Variants in G3BP2 observed in about 807,000 individuals in gnomAD.
G3BP2 encodes ras GTPase-activating protein-binding protein 2.
G3BP2 carries 11 observed loss-of-function variants against 56.7 expected under a neutral mutation model. The ratio of observed to expected loss-of-function variants is 0.19; its 90% CI spans 0.12 to 0.32. The LOEUF (loss-of-function observed/expected upper bound fraction) is 0.32, where lower values mean the gene tolerates loss of function less well. G3BP2 is among the 10% of genes least tolerant of loss of function. G3BP2 has a pLI of 1.00. For missense variants in G3BP2, 340 were observed against 610.9 expected, an observed-to-expected ratio of 0.56 and a Z score of 4.67; for synonymous variants, 165 against 191.6, an observed-to-expected ratio of 0.86 and a Z score of 1.15.
intron 3 of G3BP2, among the ~76,000 whole-genome samples, chr4:75,709,446 A>G (rs1302758146): frequency 1.5e-5 from 2 of 129,852 alleles, no homozygotes; most frequent in South Asian, 2.6e-4. Context: ...AAAAAAACCT[A>G]CTACGAAAAA....
chr4:75,657,475 TA>T, intron 4 of G3BP2, 81 bp downstream of exon 4: 1 of 1,012,430 alleles, frequency 9.9e-7, no homozygotes, highest in Non-Finnish European at 1.5e-6. Context: ...TATGCAAATC[TA>T]AACCTATTAG....
intron 1 of G3BP2, among the ~76,000 whole-genome samples, chr4:75,668,071 G>T (rs1733195351): frequency 6.6e-6 from 1 of 152,094 alleles, no homozygotes; most frequent in South Asian, 2.1e-4. Flanking sequence ...AGCTCTCACG[G>T]AAAATTGCTC....
rs1466145564 is a variant in G3BP2 at position 75,643,666 on chromosome 4, T to C, written c.*1764A>G. ...AAAATACATGCATCATTTGCTAGTT[T>C]ACTAAATAGCAAACAGTTGCATAAT... On this transcript the variant is annotated 3_prime_UTR_variant, in exon 12 of 12. Coordinates refer to ENST00000359707, the MANE Select transcript of G3BP2 (RefSeq NM_203505.3). 1 of 152,618 alleles carries C rather than the reference T, an allele frequency of 6.6e-6. No individual in the cohort carries two copies. Among genetic ancestry groups the C allele is most frequent in the South Asian group, 2.1e-4 (1 of 4,838 alleles). 9.5% of individuals were successfully genotyped at this position (152,618 alleles called of 1,614,324 possible). A position where few individuals can be genotyped will look rare whatever the true frequency, so the allele number is the denominator to read the frequency against.
chr4:75,655,747 C>T (rs1181581091), intron 6 of G3BP2, 21 bp downstream of exon 6: 11 of 1,294,592 alleles, frequency 8.5e-6, no homozygotes, highest in Non-Finnish European at 9.0e-6. Flanking sequence ...CCAAATTTAA[C>T]CTTGCAAATA....
intron 1 of G3BP2, among the ~76,000 whole-genome samples, chr4:75,669,016 G>A (rs967038582): frequency 5.9e-5 from 9 of 151,932 alleles, no homozygotes; most frequent in African/African-American, 2.2e-4. Context: ...CTCAATAATC[G>A]AATGACTTCT....
chr4:75,703,265 C>T (rs1560420193), intron 3 of G3BP2, among the ~76,000 whole-genome samples: 1 of 152,142 alleles, frequency 6.6e-6, no homozygotes. Flanking sequence ...ATAGCAAAAG[C>T]AGATTTCACA....
intron 5 of G3BP2, 98 bp from the exon 6 acceptor site, chr4:75,655,968 A>G (rs1374511012): frequency 1.4e-6 from 1 of 691,160 alleles, no homozygotes; most frequent in Admixed American, 2.6e-5. Flanking sequence ...TGATAGCAAA[A>G]AAGAAAATTT....
chr4:75,717,758 T>A (rs1259592907), intron 3 of G3BP2, among the ~76,000 whole-genome samples: 2 of 152,016 alleles, frequency 1.3e-5, no homozygotes, highest in Non-Finnish European at 2.9e-5. Flanking sequence ...GGAGAGACAA[T>A]GGTGTTGGGA....
chr4:75,716,549 CTT>C (rs1425801817), intron 3 of G3BP2, among the ~76,000 whole-genome samples: 2 of 147,974 alleles, frequency 1.4e-5, no homozygotes, highest in South Asian at 2.2e-4. Context: ...GAGTTTCCCT[CTT>C]GTCACCCAGG....
At chr4:75,676,666 G>C (rs1476056177), upstream of G3BP2, among the ~76,000 whole-genome samples, 32 of 152,138 alleles carry the variant, frequency 2.1e-4, no homozygotes, top group Non-Finnish European at 2.9e-5. Flanking sequence ...TTGCATCACT[G>C]TTACTGCTGC....
upstream of G3BP2, among the ~76,000 whole-genome samples, chr4:75,676,254 C>T (rs1199201038): frequency 6.6e-6 from 1 of 152,114 alleles, no homozygotes; most frequent in African/African-American, 2.4e-5. Context: ...GCAGGGAGAC[C>T]AGTGTGAACG....
chr4:75,647,235 C>CTCCT, intron 9 of G3BP2, 78 bp from the exon 10 acceptor site: 1 of 927,462 alleles, frequency 1.1e-6, no homozygotes, highest in Non-Finnish European at 1.6e-6. Flanking sequence ...GTAAAAATCA[C>CTCCT]TTAATATTGA....
intron 1 of G3BP2, among the ~76,000 whole-genome samples, chr4:75,669,812 G>A (rs949381125): frequency 1.3e-5 from 2 of 152,228 alleles, no homozygotes; most frequent in African/African-American, 4.8e-5. Flanking sequence ...GGAAAAAGAG[G>A]CCGGGTGCAG....
At chr4:75,706,467 G>A (rs1719548789) in intron 3 of G3BP2, among the ~76,000 whole-genome samples, 2 of 152,090 alleles carry the variant, frequency 1.3e-5, no homozygotes, top group Admixed American at 1.3e-4. Flanking sequence ...TTAGCCGAAT[G>A]AGCATAATGA....
chr4:75,698,088 A>C (rs963747292), intron 3 of G3BP2, among the ~76,000 whole-genome samples: 28 of 152,216 alleles, frequency 1.8e-4, no homozygotes, highest in Non-Finnish European at 2.8e-4. Flanking sequence ...CAGACCTGTG[A>C]ATATATTTCC....
At chr4:75,718,827 G>A (rs532375362) in intron 3 of G3BP2, among the ~76,000 whole-genome samples, 173 of 152,206 alleles carry the variant, frequency 1.1e-3, no homozygotes, top group African/African-American at 4.0e-3. Context: ...TTGGGCCTAG[G>A]ATACTAGGAC....
At chr4:75,673,707 C>T, upstream of G3BP2, 3 of 1,021,216 alleles carry the variant, frequency 2.9e-6, no homozygotes, top group Non-Finnish European at 2.5e-6. Context: ...TCTTCCTGAT[C>T]GCGCAAGCGA....
chr4:75,707,912 G>C (rs1285966758), intron 3 of G3BP2, among the ~76,000 whole-genome samples: 1 of 152,054 alleles, frequency 6.6e-6, no homozygotes, highest in Non-Finnish European at 1.5e-5. Flanking sequence ...TTAAACTACT[G>C]TTACTACAAA....
chr4:75,645,114 A>ATT lies in G3BP2; in HGVS notation c.*314_*315dup. ...ACTTAAACAAAATGTGCAGCAGAAG[A>ATT]TTTTTTTTTTACTCAAAGGACCTGA... On this transcript the variant is annotated 3_prime_UTR_variant, in exon 12 of 12. Coordinates refer to ENST00000359707, the MANE Select transcript of G3BP2 (RefSeq NM_203505.3). 3.6e-6 allele frequency: 1 copy of ATT among 277,808 alleles called. No homozygotes were observed. The allele number at this position is 277,808 out of a possible 1,614,324, so 17.2% of individuals were successfully genotyped here. A position where few individuals can be genotyped will look rare whatever the true frequency, so the allele number is the denominator to read the frequency against.
Sources: allele counts gnomAD v4.1 joint callset (sites outside exome capture counted in the v4.1 genomes callset), GRCh38; gene constraint gnomAD v4.1.1; transcripts MANE v1.5; gene names NCBI Gene and HGNC (gene_info 2026-07-23, HGNC 2026-07-21).